Variants in CDC42SE1 observed in about 807,000 individuals in gnomAD.
CDC42SE1 encodes the protein CDC42 small effector 1.
A neutral mutation model predicts 10.9 loss-of-function variants in CDC42SE1; 10 were observed. That is an observed-to-expected ratio of 0.92 (90% confidence interval 0.57 to 1.56). The LOEUF (loss-of-function observed/expected upper bound fraction) is 1.56, where lower values mean the gene tolerates loss of function less well. CDC42SE1 is among the 40% of genes most tolerant of loss of function. The probability of loss-of-function intolerance (pLI) is 0.00; values close to 1 mark genes in which losing one functional copy is unlikely to be tolerated. For synonymous variants in CDC42SE1, 24 were observed against 32.0 expected (o/e 0.75, Z 0.85); for missense variants, 81 against 100.8 (o/e 0.80, Z 0.84).
intron 1 of CDC42SE1, chr1:151,056,507 A>G (rs1676281249): frequency 6.6e-6 from 1 of 152,128 alleles, no homozygotes; most frequent in Non-Finnish European, 1.5e-5. Flanking sequence ...GTCCTAGGAG[A>G]CTAACTGGCA....
At chr1:151,054,914 TC>T in intron 3 of CDC42SE1, 101 bp downstream of exon 3, 1 of 860,274 alleles carries the variant, frequency 1.2e-6, no homozygotes, top group Non-Finnish European at 1.9e-6. Context: ...GGTTTTTACT[TC>T]CCCATTGAGT....
rs1418190125 is a variant in CDC42SE1, at chr1:151,051,143, CT to C, written c.*2200del. On this transcript the variant is annotated 3_prime_UTR_variant, in exon 5 of 5. Coordinates refer to ENST00000357235, the MANE Select transcript of CDC42SE1 (RefSeq NM_020239.4). ...GCAAGAGAGCACCAAAGGAAAAAGACTGTCCAAAGAACAGGTATTAGAATGA... is the reference window on the plus strand; with the variant it reads ...GCAAGAGAGCACCAAAGGAAAAAGACGTCCAAAGAACAGGTATTAGAATGA... 1 of 152,008 alleles carries C rather than the reference CT, an allele frequency of 6.6e-6. No individual in the cohort carries two copies. Among genetic ancestry groups the C allele is most frequent in the Non-Finnish European group, 1.5e-5 (1 of 68,014 alleles). The allele number at this position is 152,008 out of a possible 1,614,324, so 9.4% of individuals were successfully genotyped here.
Position 151,055,660 on chromosome 1 carries a change from G to A in CDC42SE1, c.54+17C>T, listed in dbSNP as rs143414159. On this transcript the variant is annotated intron_variant, in intron 2 of 4. Coordinates refer to ENST00000357235, the MANE Select transcript of CDC42SE1 (RefSeq NM_020239.4). ...CTGACTGCTCTTTGGGTTAGGATGG[G>A]GGGTGGGGAGACTCACCGGCTGGGG... 6.2e-7 allele frequency: 1 copy of A among 1,606,402 alleles called. No individual in the cohort carries two copies. Among genetic ancestry groups the A allele is most frequent in the Non-Finnish European group, 8.5e-7 (1 of 1,173,720 alleles).
intron 1 of CDC42SE1, chr1:151,056,752 T>C (rs1676285866): frequency 6.6e-6 from 1 of 152,364 alleles, no homozygotes; most frequent in Non-Finnish European, 1.5e-5. Context: ...ATGCGTGGCA[T>C]GGCCATATCT....
At chr1:151,059,349 C>T (rs1676356797) in intron 1 of CDC42SE1, 130 bp downstream of exon 1, 1 of 152,516 alleles carries the variant, frequency 6.6e-6, no homozygotes, top group South Asian at 2.1e-4. Context: ...CGGGCGCGCA[C>T]CCCTTTCCCA....
At chr1:151,058,306 A>C (rs1266361944) in intron 1 of CDC42SE1, 2 of 152,560 alleles carry the variant, frequency 1.3e-5, no homozygotes, top group Non-Finnish European at 2.9e-5. Context: ...AGGGTCTCTG[A>C]AACTTGAGGG....
chr1:151,054,262 A>T lies in CDC42SE1; in HGVS notation c.225T>A (p.Asn75Lys). 1 of 1,613,412 alleles carries T rather than the reference A, an allele frequency of 6.2e-7. No homozygotes were observed. Among genetic ancestry groups the T allele is most frequent in the Non-Finnish European group, 8.5e-7 (1 of 1,179,490 alleles). ...ATTATTGGAGCTATAAGCCCCTAGA[A>T]TTGCTCCATGGCCTATCTCGGTTTC... is the stretch of plus-strand genomic sequence containing the variant. ...SKGNRDRPWS[N>K]SRGL Residue 75 changes from asparagine (N) to lysine (K), a missense_variant, in exon 4 of 5, where the codon AAT becomes AAA. Asn to Lys is a moderately conservative substitution (Grantham distance 94). Transcript: ENST00000357235.
At position 151,053,113 on chromosome 1, in the gene CDC42SE1, AG is replaced by A; in HGVS notation, c.*230del. On this transcript the variant is annotated 3_prime_UTR_variant, in exon 5 of 5. Transcript: ENST00000357235. ...TTCAGCTGAGCTCCTCTGGCTAACC[AG>A]TAGTCACTTGATCAGTCCTGCTGCC... is the stretch of plus-strand genomic sequence containing the variant. The A allele has an allele frequency of 6.6e-6, 1 of 152,522 alleles. No homozygotes were observed. The highest frequency in any genetic ancestry group is 2.1e-4 in the South Asian group (1 of 4,828). 9.4% of individuals were successfully genotyped at this position (152,522 alleles called of 1,614,324 possible).
At chr1:151,056,348 A>G (rs1676278220) in intron 1 of CDC42SE1, among the ~76,000 whole-genome samples, 1 of 152,142 alleles carries the variant, frequency 6.6e-6, no homozygotes, top group Non-Finnish European at 1.5e-5. Flanking sequence ...TTTAGGGCAG[A>G]AGGGGAGGGG....
chr1:151,059,040 A>G (rs1481304484), intron 1 of CDC42SE1: 1 of 152,172 alleles, frequency 6.6e-6, no homozygotes, highest in African/African-American at 2.4e-5. Flanking sequence ...GCCCAACACC[A>G]ACCTTCCCTT....
At chr1:151,055,395 G>T in intron 2 of CDC42SE1, 1 of 596,810 alleles carries the variant, frequency 1.7e-6, no homozygotes, top group Non-Finnish European at 3.0e-6. Flanking sequence ...TCTGACTGAT[G>T]ATGAAATAAT....
rs1676312196 is a variant in CDC42SE1 at position 151,057,741 on chromosome 1, AG to A, written c.-264+1737del. The A allele has an allele frequency of 7.5e-6, 1 of 133,014 alleles. No individual in the cohort carries two copies. Among genetic ancestry groups the A allele is most frequent in the African/African-American group, 2.9e-5 (1 of 34,682 alleles). 8.2% of individuals were successfully genotyped at this position (133,014 alleles called of 1,614,324 possible). A position where few individuals can be genotyped will look rare whatever the true frequency, so the allele number is the denominator to read the frequency against. ...CACACACACACACACACACACACAG[AG>A]GTTTTTTTTTTTTTTAACAGCCTTG... On this transcript the variant is annotated intron_variant, in intron 1 of 4. Transcript: ENST00000357235. The surrounding 1 kb of genome is among the most constrained non-coding windows in gnomAD (Gnocchi z 4.0).
chr1:151,055,261 A>G (rs761258735), intron 2 of CDC42SE1, 135 bp from the exon 3 acceptor site: 267 of 669,704 alleles, frequency 4.0e-4, no homozygotes, highest in Non-Finnish European at 6.5e-4. Context: ...TTAACAGGGA[A>G]ATCACTAGGG....
intron 3 of CDC42SE1, 81 bp downstream of exon 3, chr1:151,054,935 T>C (rs1676252233): frequency 6.9e-6 from 7 of 1,010,812 alleles, no homozygotes; most frequent in Non-Finnish European, 9.3e-6. Flanking sequence ...TATTTTCATA[T>C]GTCCCTAGCT....
rs1210052945 is a variant in CDC42SE1 at position 151,052,587 on chromosome 1, C to G, written c.*757G>C. The G allele has an allele frequency of 6.6e-6, 1 of 152,580 alleles. No individual in the cohort carries two copies. The highest frequency in any genetic ancestry group is 1.5e-5 in the Non-Finnish European group (1 of 68,032). 9.5% of individuals were successfully genotyped at this position (152,580 alleles called of 1,614,324 possible). On this transcript the variant is annotated 3_prime_UTR_variant, in exon 5 of 5. Transcript: ENST00000357235. ...TGAAGAGCTACCTCTTACCTTAACT[C>G]TTATTCGGTGGGAAACAAGGTTCCT... is the stretch of plus-strand genomic sequence containing the variant.
intron 3 of CDC42SE1, 73 bp downstream of exon 3, chr1:151,054,943 G>A: frequency 1.8e-6 from 2 of 1,100,016 alleles, no homozygotes; most frequent in Non-Finnish European, 2.8e-6. Context: ...TATGTCCCTA[G>A]CTTGAACTTT....
intron 2 of CDC42SE1, 39 bp downstream of exon 2, chr1:151,055,638 A>G: frequency 6.5e-7 from 1 of 1,543,178 alleles, no homozygotes; most frequent in East Asian, 2.3e-5. Context: ...ACAGTAACTG[A>G]CTGCTCTTTG....
chr1:151,056,355 G>A (rs1410715180), intron 1 of CDC42SE1, among the ~76,000 whole-genome samples: 1 of 152,150 alleles, frequency 6.6e-6, no homozygotes, highest in African/African-American at 2.4e-5. Context: ...CAGAAGGGGA[G>A]GGGCATTTAA....
At position 151,054,350 on chromosome 1, in the gene CDC42SE1, C is replaced by T. The variant is rs368986925; in HGVS notation, c.166-29G>A. The stretch of plus-strand genomic sequence containing the variant: ...TAAAAAAACAGATGCGAGACACCTT[C>T]GTAAGTCTTCATATCCTACAGTAAG... On this transcript the variant is annotated intron_variant, in intron 3 of 4. Coordinates refer to ENST00000357235, the MANE Select transcript of CDC42SE1 (RefSeq NM_020239.4). The T allele has an allele frequency of 8.6e-5, 133 of 1,545,562 alleles. 1 individual carries two copies. In the African/African-American group the frequency reaches 1.3e-3, roughly 15 times the overall value.
Sources: allele counts gnomAD v4.1 joint callset (sites outside exome capture counted in the v4.1 genomes callset), GRCh38; gene constraint gnomAD v4.1.1; non-coding constraint Gnocchi (gnomAD v3.1); transcripts MANE v1.5; gene names NCBI Gene and HGNC (gene_info 2026-07-23, HGNC 2026-07-21).